COX10: variants seen among roughly 807,000 people sequenced by gnomAD.
COX10 encodes the protein cytochrome c oxidase assembly factor heme A:farnesyltransferase COX10, also known as protoheme IX farnesyltransferase, mitochondrial.
In COX10, 27 loss-of-function variants were observed where a neutral mutation model predicts 37.3. The observed-to-expected ratio is 0.72, with a 90% CI of 0.53 to 1.00. The LOEUF (loss-of-function observed/expected upper bound fraction) is 1.00, where lower values mean the gene tolerates loss of function less well. Ranked by LOEUF, COX10 falls within the 50% of genes least tolerant of loss-of-function variation. The pLI, the probability that COX10 is intolerant of heterozygous loss-of-function variation, is 0.00. For synonymous variants in COX10, 222 were observed against 229.1 expected (o/e 0.97, Z 0.28); for missense variants, 475 against 563.2 (o/e 0.84, Z 1.59).
At chr17:14,159,727 TGGAA>T in intron 4 of COX10, 146 bp from the exon 5 acceptor site, 1 of 638,058 alleles carries the variant, frequency 1.6e-6, no homozygotes, top group African/African-American at 1.8e-5. Context: ...TTTGTTTTTT[TGGAA>T]TTTTTCTTCA....
chr17:14,147,925 T>G (rs188557369), intron 4 of COX10, among the ~76,000 whole-genome samples: 9 of 151,854 alleles, frequency 5.9e-5, no homozygotes, highest in Non-Finnish European at 1.3e-4. Flanking sequence ...TCCTTCCATC[T>G]TTTTTCAGAA....
At chr17:14,077,275 A>G in intron 3 of COX10, 1 of 548,032 alleles carries the variant, frequency 1.8e-6, no homozygotes, top group East Asian at 3.2e-5. Flanking sequence ...TGTATTAAAA[A>G]TAGTCACCCT....
At chr17:14,199,924 G>A (rs1906496392) in intron 6 of COX10, among the ~76,000 whole-genome samples, 1 of 152,116 alleles carries the variant, frequency 6.6e-6, no homozygotes, top group South Asian at 2.1e-4. Flanking sequence ...AACCCTAAAA[G>A]CACAAATAGA....
intron 3 of COX10, among the ~76,000 whole-genome samples, chr17:14,080,835 A>G (rs1286265085): frequency 6.8e-6 from 1 of 147,556 alleles, no homozygotes; most frequent in Non-Finnish European, 1.5e-5. Flanking sequence ...GTTTTGTTTT[A>G]TTTTGCCCCA....
intron 5 of COX10, among the ~76,000 whole-genome samples, chr17:14,167,798 C>T (rs1268008403): frequency 1.3e-5 from 2 of 152,204 alleles, no homozygotes; most frequent in East Asian, 1.9e-4. Flanking sequence ...ATCCAACCGC[C>T]TCCCAGCAGG....
intron 4 of COX10, among the ~76,000 whole-genome samples, chr17:14,129,680 A>G (rs963956960): frequency 3.3e-5 from 5 of 152,146 alleles, no homozygotes; most frequent in African/African-American, 1.2e-4. Flanking sequence ...AGCATTGTAA[A>G]CCATGTGTTC....
intron 6 of COX10, among the ~76,000 whole-genome samples, chr17:14,194,431 A>T (rs1326062072): frequency 2.0e-5 from 3 of 151,998 alleles, no homozygotes; most frequent in Non-Finnish European, 4.4e-5. Flanking sequence ...GTTTAAAATA[A>T]TTTTTTTTCT....
At chr17:14,123,821 A>T (rs1916276463) in intron 4 of COX10, among the ~76,000 whole-genome samples, 1 of 152,202 alleles carries the variant, frequency 6.6e-6, no homozygotes, top group South Asian at 2.1e-4. Flanking sequence ...ATATGAGAAC[A>T]ACAGGTGCAT....
intron 4 of COX10, among the ~76,000 whole-genome samples, chr17:14,121,843 G>A (rs1489730453): frequency 6.6e-6 from 1 of 152,102 alleles, no homozygotes; most frequent in African/African-American, 2.4e-5. Context: ...AGTACACAGG[G>A]TGTGCATGAT....
At chr17:14,120,558 T>C (rs558681300) in intron 4 of COX10, among the ~76,000 whole-genome samples, 11 of 152,220 alleles carry the variant, frequency 7.2e-5, no homozygotes, top group Middle Eastern at 3.4e-3. Context: ...GATATAGTGA[T>C]GAAGAGACCA....
At chr17:14,182,760 A>T (rs992796686) in intron 5 of COX10, among the ~76,000 whole-genome samples, 2 of 151,828 alleles carry the variant, frequency 1.3e-5, no homozygotes, top group African/African-American at 4.8e-5. Context: ...GTATGAAATT[A>T]ATTTTTGTCT....
intron 6 of COX10, among the ~76,000 whole-genome samples, chr17:14,199,615 C>T (rs1906466982): frequency 6.6e-6 from 1 of 152,188 alleles, no homozygotes. Flanking sequence ...TGAGCCTCTC[C>T]ATTATTCCTA....
chr17:14,181,947 T>A, intron 5 of COX10: 1 of 982,040 alleles, frequency 1.0e-6, no homozygotes, highest in Admixed American at 6.2e-5. Flanking sequence ...CCCCTCTGAA[T>A]AAGAAGGCTG....
chr17:14,207,170 A>G lies in COX10; in HGVS notation c.1289A>G (p.Lys430Arg), dbSNP rs1310316348. Residue 430 changes from lysine to arginine, a missense_variant, in exon 7 of 7, where the codon AAG (lysine) becomes AGG (arginine). Transcript: ENST00000261643. Reference protein sequence around the residue: ...PLLLLLMLTCKRPSGGGDAGP... With the variant: ...PLLLLLMLTCRRPSGGGDAGP... ...CTGCTGCTGCTCATGCTCACCTGCA[A>G]GCGGCCGAGCGGAGGCGGGGACGCA... The G allele has an allele frequency of 6.2e-7, 1 of 1,609,102 alleles. No homozygotes were observed. Among genetic ancestry groups the G allele is most frequent in the Non-Finnish European group, 8.5e-7 (1 of 1,178,560 alleles).
At chr17:14,102,964 A>G (rs557043655) in intron 4 of COX10, among the ~76,000 whole-genome samples, 1 of 152,352 alleles carries the variant, frequency 6.6e-6, no homozygotes, top group Non-Finnish European at 1.5e-5. Context: ...TACCAGCAGG[A>G]AAACAGCTTG....
chr17:14,197,421 G>A (rs1254183455), intron 6 of COX10, among the ~76,000 whole-genome samples: 1 of 152,202 alleles, frequency 6.6e-6, no homozygotes, highest in Admixed American at 6.5e-5. Flanking sequence ...TGTTCCATGG[G>A]ATTCTGATTT....
At chr17:14,113,215 G>C (rs934462595) in intron 4 of COX10, among the ~76,000 whole-genome samples, 2 of 152,078 alleles carry the variant, frequency 1.3e-5, no homozygotes, top group African/African-American at 4.8e-5. Flanking sequence ...CTTTAATTCT[G>C]TTTGTTCAAT....
rs1191822514 is a variant in COX10 at position 14,077,043 on chromosome 17, A to T, written c.486A>T (p.Lys162Asn). The change falls in exon 3 of 7, where the codon AAA (lysine) becomes AAT (asparagine). Residue 162 changes from lysine (K) to asparagine (N), a missense_variant. By Grantham distance (94) the Lys-to-Asn change is moderately conservative. Around this residue, in one of 5 missense-constraint regions of COX10, gnomAD observed 242 missense variants for 242.5 expected, o/e 1.00. Coordinates refer to ENST00000261643, the MANE Select transcript of COX10 (RefSeq NM_001303.4). Reference protein sequence around the residue: ...DLPGILARLSKIKLTALVVST... With the variant: ...DLPGILARLSNIKLTALVVST... ...CAGGAATTTTGGCTCGACTATCCAA[A>T]ATCAAACTCACAGGTACTTTGTTTT... The T allele has an allele frequency of 6.2e-7, 1 of 1,614,058 alleles. No homozygotes were observed. Among genetic ancestry groups the T allele is most frequent in the South Asian group, 1.1e-5 (1 of 91,042 alleles).
At chr17:14,174,083 T>C (rs1360379483) in intron 5 of COX10, among the ~76,000 whole-genome samples, 1 of 151,718 alleles carries the variant, frequency 6.6e-6, no homozygotes, top group Non-Finnish European at 1.5e-5. Context: ...GGAGATAACA[T>C]TTGTAAAATA....
Sources: allele counts gnomAD v4.1 joint callset (sites outside exome capture counted in the v4.1 genomes callset), GRCh38; gene constraint gnomAD v4.1.1; regional missense constraint gnomAD v4.1.1; transcripts MANE v1.5; gene names NCBI Gene and HGNC (gene_info 2026-07-23, HGNC 2026-07-21).